VPS53: variants seen among roughly 807,000 people sequenced by gnomAD.
VPS53 encodes VPS53 subunit of GARP complex.
A neutral mutation model predicts 107.0 loss-of-function variants in VPS53; 70 were observed. The observed-to-expected ratio is 0.65, with a 90% confidence interval of 0.54 to 0.80. The LOEUF (loss-of-function observed/expected upper bound fraction) is 0.80. Among genes scored for constraint, VPS53 ranks in the 30% least tolerant of loss-of-function variants. The pLI is 0.00. For synonymous variants in VPS53, 409 were observed against 393.3 expected (o/e 1.04, Z -0.47); for missense variants, 917 against 1,049.4 (o/e 0.87, Z 1.74).
At position 684,325 on chromosome 17, in the gene VPS53, A is replaced by C. The variant is rs189061231; in HGVS notation, c.285+13093T>G. On this transcript the variant is annotated intron_variant, in intron 4 of 21. Transcript: ENST00000437048. ...AAATCCCAAAAGCCTACAAAAAAAAAATTCCTGAAACTAATAAGTGAGTTC... is the reference window on the plus strand; with the variant it reads ...AAATCCCAAAAGCCTACAAAAAAAACATTCCTGAAACTAATAAGTGAGTTC... 1.8e-3 allele frequency among the ~76,000 whole-genome samples: 279 copies of C among 152,344 alleles called. 1 individual carries two copies. The highest frequency in any genetic ancestry group is 6.4e-3 in the African/African-American group (268 of 41,578).
intron 12 of VPS53, among the ~76,000 whole-genome samples, chr17:587,352 G>A (rs907357977): frequency 7.2e-5 from 11 of 152,112 alleles, no homozygotes; most frequent in African/African-American, 2.4e-4. Flanking sequence ...CATGAGGCAT[G>A]GCGCCCAGCC....
At chr17:551,247 C>T (rs550108637) in intron 17 of VPS53, among the ~76,000 whole-genome samples, 1 of 151,590 alleles carries the variant, frequency 6.6e-6, no homozygotes, top group South Asian at 2.1e-4. Flanking sequence ...ATGAGAGGAA[C>T]ATGAGGTAGC....
chr17:617,502 A>C (rs1395792503), intron 11 of VPS53, among the ~76,000 whole-genome samples: 1 of 152,226 alleles, frequency 6.6e-6, no homozygotes, highest in Non-Finnish European at 1.5e-5. Context: ...TCTGGGCTAA[A>C]GTGATCCTCC....
chr17:526,872 A>G (rs974546685), intron 19 of VPS53, among the ~76,000 whole-genome samples: 13 of 152,214 alleles, frequency 8.5e-5, no homozygotes, highest in African/African-American at 2.9e-4. Flanking sequence ...TTTTGCGTAA[A>G]TAAGATACAG....
intron 7 of VPS53, among the ~76,000 whole-genome samples, chr17:652,315 A>G (rs1470863807): frequency 6.6e-6 from 1 of 152,112 alleles, no homozygotes; most frequent in Non-Finnish European, 1.5e-5. Flanking sequence ...GTATTTTCTA[A>G]AGACCGCCAC....
At chr17:521,859 G>A in intron 19 of VPS53, 121 bp from the exon 20 acceptor site, 7 of 1,200,732 alleles carry the variant, frequency 5.8e-6, no homozygotes, top group Middle Eastern at 2.9e-4. Context: ...GCAAAAAATT[G>A]GGGAAATAAA....
At chr17:631,824 G>A (rs1403163035) in intron 7 of VPS53, among the ~76,000 whole-genome samples, 196 bp from the exon 8 acceptor site, 3 of 151,794 alleles carry the variant, frequency 2.0e-5, no homozygotes, top group African/African-American at 7.3e-5. Flanking sequence ...ATATTCTCAG[G>A]GTGAATCTTC....
chr17:522,577 C>T (rs1378007980), intron 19 of VPS53, among the ~76,000 whole-genome samples: 1 of 152,208 alleles, frequency 6.6e-6, no homozygotes, highest in African/African-American at 2.4e-5. Context: ...GCACCCTTAT[C>T]AGCACTGAAA....
intron 4 of VPS53, among the ~76,000 whole-genome samples, chr17:667,551 G>C (rs1971747545): frequency 1.2e-5 from 1 of 84,426 alleles, no homozygotes; most frequent in Non-Finnish European, 2.2e-5. Flanking sequence ...ATGTTCTGGG[G>C]GGGGCAATGG....
chr17:562,403 A>G, intron 14 of VPS53, 100 bp downstream of exon 14: 1 of 1,523,522 alleles, frequency 6.6e-7, no homozygotes, highest in Non-Finnish European at 8.9e-7. Flanking sequence ...CCTCCTTGAT[A>G]CTCTTGGTGG....
intron 19 of VPS53, among the ~76,000 whole-genome samples, chr17:530,096 T>C (rs1377082516): frequency 6.6e-6 from 1 of 151,984 alleles, no homozygotes; most frequent in Non-Finnish European, 1.5e-5. Context: ...TAGAAATATA[T>C]TTTAAAACAC....
At chr17:656,828 T>C in intron 5 of VPS53, 2 of 1,584,350 alleles carry the variant, frequency 1.3e-6, no homozygotes, top group South Asian at 1.1e-5. Flanking sequence ...CAGTCTCTTG[T>C]CTCTCTCTTC....
intron 11 of VPS53, among the ~76,000 whole-genome samples, chr17:610,087 C>T (rs1035743273): frequency 4.6e-5 from 7 of 151,094 alleles, no homozygotes; most frequent in Non-Finnish European, 1.0e-4. Flanking sequence ...GCCGAGATCG[C>T]GCCACTGCAC....
chr17:642,889 T>C (rs1970491292), intron 7 of VPS53, among the ~76,000 whole-genome samples: 1 of 141,364 alleles, frequency 7.1e-6, no homozygotes, highest in African/African-American at 2.6e-5. Flanking sequence ...ACACTCATAC[T>C]TGGAAATCGA....
chr17:667,018 C>G (rs1301590547), intron 4 of VPS53, among the ~76,000 whole-genome samples: 1 of 152,186 alleles, frequency 6.6e-6, no homozygotes, highest in Admixed American at 6.5e-5. Flanking sequence ...GAATGGACAG[C>G]GATGACATGA....
intron 17 of VPS53, 189 bp downstream of exon 17, chr17:551,683 A>G: frequency 2.4e-6 from 1 of 418,636 alleles, no homozygotes. Context: ...TCATTCTAAA[A>G]GGACAAGCAA....
rs201705920 is a variant in VPS53 at position 652,089 on chromosome 17, C to CACCT, written c.608+1201_608+1202insAGGT. ...TCAGCTCACTGCAACCTCCACTTCC[C>CACCT]AGGTTCAAGTGACTCCTGCCTCAGC... On this transcript the variant is annotated intron_variant, in intron 7 of 21. Transcript: ENST00000437048. Among the ~76,000 whole-genome samples, 546 of 152,076 alleles carry CACCT rather than the reference C, an allele frequency of 3.6e-3. 8 individuals carry two copies. In the East Asian group the frequency reaches 0.036, roughly 10 times the overall value.
intron 11 of VPS53, among the ~76,000 whole-genome samples, chr17:622,875 G>T (rs1969529372): frequency 6.6e-6 from 1 of 151,226 alleles, no homozygotes; most frequent in Non-Finnish European, 1.5e-5. Context: ...TTTTTTGTAG[G>T]GATGAGGTCT....
intron 19 of VPS53, among the ~76,000 whole-genome samples, chr17:522,185 G>A (rs1479379307): frequency 6.6e-6 from 1 of 152,166 alleles, no homozygotes; most frequent in Admixed American, 6.5e-5. Context: ...AGCCTGGGAG[G>A]TTGAGGCTGC....
Sources: gnomAD v4.1 joint callset for allele counts (sites outside exome capture counted in the v4.1 genomes callset) on GRCh38, gnomAD v4.1.1 for gene constraint, MANE v1.5 for transcripts, NCBI Gene and HGNC (gene_info 2026-07-23, HGNC 2026-07-21) for gene names.